Variants in HNRNPA3 observed in about 807,000 individuals in gnomAD.
HNRNPA3 encodes heterogeneous nuclear ribonucleoprotein A3, also known as epididymis secretory sperm binding protein.
In HNRNPA3, 3 loss-of-function variants were observed where a neutral mutation model predicts 45.8. That is an observed-to-expected ratio of 0.07 (90% CI 0.03 to 0.17). HNRNPA3 has a LOEUF of 0.17. HNRNPA3 is among the 10% of genes least tolerant of loss of function. The pLI, the probability that HNRNPA3 is intolerant of heterozygous loss-of-function variation, is 1.00. For synonymous variants in HNRNPA3, 170 were observed against 155.6 expected (o/e 1.09, Z -0.69); for missense variants, 183 against 480.3 (o/e 0.38, Z 5.79).
At chr2:177,218,052 CTTTTTTTTTTTTTTT>C (rs58476089) in intron 8 of HNRNPA3, among the ~76,000 whole-genome samples, 29 of 102,188 alleles carry the variant, frequency 2.8e-4, no homozygotes, top group Non-Finnish European at 4.9e-4. Flanking sequence ...TCTCTTTTTT[CTTTTTTTTTTTTTTT>C]TTTTTTTTTT....
chr2:177,220,201 C>G (rs545417248), downstream of HNRNPA3: 1 of 152,542 alleles, frequency 6.6e-6, no homozygotes, highest in African/African-American at 2.4e-5. Flanking sequence ...TTGCTGAGTC[C>G]TAGCTGTGTT....
chr2:177,219,043 A>G, exon 9 of HNRNPA3: 9 of 1,613,584 alleles, frequency 5.6e-6, no homozygotes, highest in Non-Finnish European at 7.6e-6. Flanking sequence ...TCAGGTAACT[A>G]TGGTGGTGGT....
At chr2:177,219,689 CT>C (rs1170643903) in exon 11 of HNRNPA3, 1 of 160,790 alleles carries the variant, frequency 6.2e-6, no homozygotes, top group African/African-American at 2.4e-5. Flanking sequence ...TTGTCTTTTT[CT>C]TTTTCTTTTC....
chr2:177,214,191 TAAA>T (rs995942375), intron 1 of HNRNPA3, among the ~76,000 whole-genome samples: 1 of 152,250 alleles, frequency 6.6e-6, no homozygotes, highest in Admixed American at 6.5e-5. Flanking sequence ...TCTTAATTCT[TAAA>T]AATCTCAATT....
chr2:177,215,703 G>T, intron 2 of HNRNPA3, 42 bp downstream of exon 2: 1 of 1,562,636 alleles, frequency 6.4e-7, no homozygotes, highest in Non-Finnish European at 8.7e-7. Context: ...GGGGTGTAGA[G>T]AACCGGTGGA....
At chr2:177,221,482 C>G (rs2105440229), downstream of HNRNPA3, 1 of 152,662 alleles carries the variant, frequency 6.6e-6, no homozygotes, top group African/African-American at 2.4e-5. Context: ...TTTCTATGTT[C>G]TGGAACTAGT....
chr2:177,213,261 A>G (rs1042311705), intron 1 of HNRNPA3, among the ~76,000 whole-genome samples: 2 of 152,172 alleles, frequency 1.3e-5, no homozygotes, highest in Non-Finnish European at 2.9e-5. Flanking sequence ...GGCGGCGGCC[A>G]CATTGACATT....
chr2:177,221,884 G>A (rs1396591422), downstream of HNRNPA3: 1 of 152,634 alleles, frequency 6.6e-6, no homozygotes, highest in Non-Finnish European at 1.5e-5. Flanking sequence ...TAGCAGGAAG[G>A]AGCTCTTCGC....
chr2:177,218,171 C>T (rs1421703047), intron 8 of HNRNPA3, among the ~76,000 whole-genome samples: 1 of 150,238 alleles, frequency 6.7e-6, no homozygotes, highest in Non-Finnish European at 1.5e-5. Context: ...ATGCGATTCT[C>T]CTGCCTCAGC....
rs1156421083 is a variant in HNRNPA3, at chr2:177,216,203, A to G, written c.553+15A>G. The G allele has an allele frequency of 1.3e-6, 2 of 1,493,394 alleles. No homozygotes were observed. Among genetic ancestry groups the G allele is most frequent in the South Asian group, 1.2e-5 (1 of 85,512 alleles). 92.5% of individuals were successfully genotyped at this position (1,493,394 alleles called of 1,614,324 possible). ...TAAAATTGTTGGTAAGTAGCAATTTATGGTAACTTGAATGAGAAAGTAGAA... is the reference window on the plus strand; with the variant it reads ...TAAAATTGTTGGTAAGTAGCAATTTGTGGTAACTTGAATGAGAAAGTAGAA... On this transcript the variant is annotated intron_variant, in intron 4 of 10. Transcript: ENST00000392524.
At chr2:177,223,175 G>A (rs1689261426), downstream of HNRNPA3, 1 of 152,196 alleles carries the variant, frequency 6.6e-6, no homozygotes, top group Non-Finnish European at 1.5e-5. Flanking sequence ...AAAATGACTG[G>A]TTGGCTCTAT....
At chr2:177,214,051 A>G (rs1688813267) in intron 1 of HNRNPA3, among the ~76,000 whole-genome samples, 1 of 152,208 alleles carries the variant, frequency 6.6e-6, no homozygotes, top group Non-Finnish European at 1.5e-5. Flanking sequence ...ACACAGGAAG[A>G]CATTAGAATG....
downstream of HNRNPA3, chr2:177,222,450 GAC>G (rs1341937870): frequency 1.1e-4 from 17 of 152,248 alleles, no homozygotes; most frequent in East Asian, 1.2e-3. Flanking sequence ...GTGTAAGCAT[GAC>G]ACACAACAGA....
Position 177,219,393 on chromosome 2 carries a change from T to G in HNRNPA3, c.*16-15T>G. 9.1e-7 allele frequency: 1 copy of G among 1,099,576 alleles called. No homozygotes were observed. The highest frequency in any genetic ancestry group is 1.3e-6 in the Non-Finnish European group (1 of 755,578). The allele number at this position is 1,099,576 out of a possible 1,614,324, so 68.1% of individuals were successfully genotyped here. A position where few individuals can be genotyped will look rare whatever the true frequency, so the allele number is the denominator to read the frequency against. ...ACTGAGTGTAATAATTTTTTTATCC[T>G]GTATTATTCAACAGGCTACAGTTCT... On this transcript the variant is annotated splice_polypyrimidine_tract_variant and intron_variant, in intron 10 of 10. Transcript: ENST00000392524.
At chr2:177,213,598 A>G (rs1218442709) in intron 1 of HNRNPA3, among the ~76,000 whole-genome samples, 1 of 152,208 alleles carries the variant, frequency 6.6e-6, no homozygotes, top group Non-Finnish European at 1.5e-5. Flanking sequence ...TACTTACATT[A>G]CACTTCTTAA....
chr2:177,217,979 T>C, intron 8 of HNRNPA3, 134 bp downstream of exon 8: 2 of 799,650 alleles, frequency 2.5e-6, no homozygotes, highest in Non-Finnish European at 3.7e-6. Context: ...AAATGGTTGG[T>C]AGTTCAAACC....
At chr2:177,213,403 C>G (rs576670364) in intron 1 of HNRNPA3, among the ~76,000 whole-genome samples, 1 of 152,242 alleles carries the variant, frequency 6.6e-6, no homozygotes, top group East Asian at 1.9e-4. Context: ...CGCAAATGGC[C>G]TCGAAGCATG....
At chr2:177,219,974 A>G (rs912827183) in exon 11 of HNRNPA3, 3 of 152,650 alleles carry the variant, frequency 2.0e-5, no homozygotes, top group African/African-American at 7.2e-5. Context: ...CCCCATTTCC[A>G]AACCATGATA....
At position 177,217,700 on chromosome 2, in the gene HNRNPA3, T is replaced by C; in HGVS notation, c.821-5T>C. 2 of 1,612,492 alleles carry C rather than the reference T, an allele frequency of 1.2e-6. No homozygotes were observed. The highest frequency in any genetic ancestry group is 2.2e-5 in the East Asian group (1 of 44,896). ...GTGTGGTCTTGTTATTTGTTGTTTT[T>C]TTAGGTGGCAACTATGGCGGTGGTC... On this transcript the variant is annotated splice_region_variant and splice_polypyrimidine_tract_variant and intron_variant, in intron 7 of 10. Coordinates refer to ENST00000392524, the Ensembl canonical transcript of HNRNPA3.
Sources: gnomAD v4.1 joint callset for allele counts (sites outside exome capture counted in the v4.1 genomes callset) on GRCh38, gnomAD v4.1.1 for gene constraint, MANE v1.5 for transcripts, NCBI Gene and HGNC (gene_info 2026-07-23, HGNC 2026-07-21) for gene names.